The following LRP1B variants were observed in gnomAD, a reference collection of about 807,000 sequenced individuals.
LRP1B encodes the protein LDL receptor related protein 1B, also known as low-density lipoprotein receptor-related protein 1B.
In LRP1B, 217 loss-of-function variants were observed where a neutral mutation model predicts 556.6. That is an observed-to-expected ratio of 0.39 (90% confidence interval 0.35 to 0.44). The LOEUF is 0.44. LRP1B is among the 20% of genes least tolerant of loss of function. The pLI is 1.00. For missense variants in LRP1B, 5,053 were observed against 5,620.8 expected (o/e 0.90, Z 3.23); for synonymous variants, 2,047 against 1,865.8 (o/e 1.10, Z -2.50).
chr2:141,031,576 G>C (rs1007322556), intron 11 of LRP1B, among the ~76,000 whole-genome samples: 5 of 151,866 alleles, frequency 3.3e-5, no homozygotes, highest in Non-Finnish European at 5.9e-5. Context: ...AATATGTATA[G>C]ATTACAAAAA....
chr2:140,329,581 A>G (rs1405358510), intron 79 of LRP1B, among the ~76,000 whole-genome samples: 1 of 152,084 alleles, frequency 6.6e-6, no homozygotes, highest in Non-Finnish European at 1.5e-5. Context: ...AAAAATCACA[A>G]GCATTCCTAT....
At chr2:140,763,584 G>A (rs1443577469) in intron 35 of LRP1B, among the ~76,000 whole-genome samples, 1 of 152,058 alleles carries the variant, frequency 6.6e-6, no homozygotes, top group Admixed American at 6.6e-5. Flanking sequence ...TTTAATCTTA[G>A]TAGGTGATCA....
chr2:141,244,288 T>A (rs1477064290), intron 5 of LRP1B, among the ~76,000 whole-genome samples: 2 of 152,220 alleles, frequency 1.3e-5, no homozygotes, highest in Non-Finnish European at 2.9e-5. Flanking sequence ...TTTTATAGTA[T>A]CCTTTCTTTC....
At chr2:141,210,043 C>T (rs1188395628) in intron 6 of LRP1B, among the ~76,000 whole-genome samples, 1 of 150,868 alleles carries the variant, frequency 6.6e-6, no homozygotes, top group East Asian at 2.0e-4. Context: ...TAAAATAAAC[C>T]TATAAGTCAC....
intron 77 of LRP1B, among the ~76,000 whole-genome samples, chr2:140,347,364 A>G (rs908551463): frequency 6.6e-6 from 1 of 151,826 alleles, no homozygotes; most frequent in Non-Finnish European, 1.5e-5. Flanking sequence ...CTAACTAACT[A>G]TAAACAACTT....
intron 66 of LRP1B, among the ~76,000 whole-genome samples, chr2:140,435,815 T>C (rs573648408): frequency 1.3e-5 from 2 of 152,314 alleles, no homozygotes; most frequent in South Asian, 2.1e-4. Context: ...GTGACTCCCA[T>C]GTAGTCATTC....
chr2:140,742,623 A>C (rs2104870758), intron 35 of LRP1B, among the ~76,000 whole-genome samples: 1 of 152,114 alleles, frequency 6.6e-6, no homozygotes, highest in Admixed American at 6.5e-5. Flanking sequence ...TTTTTATTAG[A>C]GATGGGGTCT....
intron 81 of LRP1B, among the ~76,000 whole-genome samples, chr2:140,323,099 C>T (rs998082645): frequency 2.0e-5 from 3 of 152,070 alleles, no homozygotes; most frequent in South Asian, 2.1e-4. Flanking sequence ...CAGATAAATG[C>T]ACCAAACAAG....
chr2:140,889,666 A>AC (rs1351496961), intron 23 of LRP1B, among the ~76,000 whole-genome samples: 4 of 152,174 alleles, frequency 2.6e-5, no homozygotes, highest in Admixed American at 2.6e-4. Flanking sequence ...TGATGTTGTT[A>AC]CCCCCATTTT....
At chr2:140,673,873 C>A (rs372780225) in intron 41 of LRP1B, among the ~76,000 whole-genome samples, 1 of 152,120 alleles carries the variant, frequency 6.6e-6, no homozygotes, top group Non-Finnish European at 1.5e-5. Flanking sequence ...AGAACAGACT[C>A]TTTGTAGCAA....
chr2:141,096,686 G>A lies in LRP1B; in HGVS notation c.1014-34413C>T, dbSNP rs1016063670. ...AGAGAGAGAGAGAGAGAGAGAGAGA[G>A]AGAGAAAATAAATAAATACATCTTC... On this transcript the variant is annotated intron_variant, in intron 7 of 90. Coordinates refer to ENST00000389484, the MANE Select transcript of LRP1B (RefSeq NM_018557.3). Among the ~76,000 whole-genome samples the A allele has an allele frequency of 6.1e-5, 7 of 114,414 alleles. 1 individual carries two copies. The East Asian group carries it at 2.9e-3, about 47-fold the overall frequency. The allele number at this position is 114,414 out of a possible 152,430, so 75.1% of individuals were successfully genotyped here. A position where few individuals can be genotyped will look rare whatever the true frequency, so the allele number is the denominator to read the frequency against.
At chr2:141,121,062 G>A (rs752292783) in intron 7 of LRP1B, among the ~76,000 whole-genome samples, 2 of 151,982 alleles carry the variant, frequency 1.3e-5, no homozygotes, top group Non-Finnish European at 1.5e-5. Context: ...AGAGGAAGTT[G>A]GTTTGGATTC....
rs1695788773 is a variant in LRP1B, at chr2:141,795,860, ATATATATATATATATATATAT to A, written c.205+14398_205+14418del. 9.7e-4 allele frequency among the ~76,000 whole-genome samples: 67 copies of A among 69,344 alleles called. 1 individual carries two copies. Among genetic ancestry groups the A allele is most frequent in the African/African-American group, 3.0e-3 (65 of 21,892 alleles). The allele number at this position is 69,344 out of a possible 152,430, so 45.5% of individuals were successfully genotyped here. A position where few individuals can be genotyped will look rare whatever the true frequency, so the allele number is the denominator to read the frequency against. ...ATAGAGAATGAAAACCAGGAGCAAT[ATATATATATATATATATATAT>A]ATATATATATATATATATAATCTTT... On this transcript the variant is annotated intron_variant, in intron 2 of 90. Transcript: ENST00000389484.
chr2:141,683,755 A>G (rs906300587), intron 2 of LRP1B, among the ~76,000 whole-genome samples: 2 of 152,166 alleles, frequency 1.3e-5, no homozygotes, highest in Non-Finnish European at 2.9e-5. Flanking sequence ...AAATTGGGAG[A>G]TACATTGGCA....
intron 7 of LRP1B, among the ~76,000 whole-genome samples, chr2:141,145,775 C>T (rs1350792238): frequency 8.6e-5 from 13 of 151,616 alleles, no homozygotes; most frequent in Non-Finnish European, 8.8e-5. Flanking sequence ...TCGGGTGATC[C>T]GCACACCTCT....
chr2:141,103,366 G>T (rs1012084778), intron 7 of LRP1B, among the ~76,000 whole-genome samples: 1 of 152,160 alleles, frequency 6.6e-6, no homozygotes, highest in East Asian at 1.9e-4. Flanking sequence ...CTTGTTTTAC[G>T]CAGTGTCACT....
At chr2:141,080,495 C>G (rs1020756393) in intron 7 of LRP1B, among the ~76,000 whole-genome samples, 1 of 152,120 alleles carries the variant, frequency 6.6e-6, no homozygotes, top group African/African-American at 2.4e-5. Flanking sequence ...TCTGATTAAC[C>G]TTGACATTAC....
rs3221098 is a variant in LRP1B, at chr2:141,635,047, A to AACAC, written c.206-154518_206-154515dup. Among the ~76,000 whole-genome samples the AACAC allele has an allele frequency of 2.7e-3, 399 of 149,590 alleles. 3 individuals are homozygous for AACAC. The highest frequency in any genetic ancestry group is 7.7e-3 in the African/African-American group (313 of 40,812). ...TAACATATAGTCAGAACTATAGTGA[A>AACAC]ACACACACACACACACACACCAAGT... On this transcript the variant is annotated intron_variant, in intron 2 of 90. Transcript: ENST00000389484.
At chr2:140,324,825 G>T (rs1437848010) in intron 80 of LRP1B, among the ~76,000 whole-genome samples, 1 of 149,400 alleles carries the variant, frequency 6.7e-6, no homozygotes, top group Non-Finnish European at 1.5e-5. Flanking sequence ...GTGTACCAAA[G>T]CCAGAACAAG....
Sources: allele counts gnomAD v4.1 joint callset (sites outside exome capture counted in the v4.1 genomes callset), GRCh38; gene constraint gnomAD v4.1.1; transcripts MANE v1.5; gene names NCBI Gene and HGNC (gene_info 2026-07-23, HGNC 2026-07-21).